The following MAP7 variants were observed in gnomAD, a reference collection of about 807,000 sequenced individuals.
The protein encoded by MAP7 is ensconsin.
MAP7 carries 52 observed loss-of-function variants against 94.8 expected under a neutral mutation model. The ratio of observed to expected loss-of-function variants is 0.55; its 90% CI spans 0.44 to 0.69. The LOEUF is 0.69. Ranked by LOEUF, MAP7 falls within the 30% of genes least tolerant of loss-of-function variation. MAP7 has a pLI of 0.00. For synonymous variants in MAP7, 350 were observed against 357.0 expected, an observed-to-expected ratio of 0.98 and a Z score of 0.22; for missense variants, 940 against 964.6, an observed-to-expected ratio of 0.97 and a Z score of 0.34.
At chr6:136,546,323 T>C (rs1464481389) in intron 1 of MAP7, among the ~76,000 whole-genome samples, 2 of 151,766 alleles carry the variant, frequency 1.3e-5, no homozygotes, top group East Asian at 1.9e-4. Context: ...TTTTTTTTTT[T>C]CAAACCATTA....
chr6:136,396,884 AATC>A (rs1486432524), intron 3 of MAP7, among the ~76,000 whole-genome samples: 2 of 152,210 alleles, frequency 1.3e-5, no homozygotes, highest in Non-Finnish European at 2.9e-5. Context: ...TTGTCGTCAT[AATC>A]ATTATAATTT....
intron 16 of MAP7, among the ~76,000 whole-genome samples, chr6:136,355,264 T>C (rs1238172054): frequency 6.6e-6 from 1 of 151,716 alleles, no homozygotes; most frequent in Non-Finnish European, 1.5e-5. Context: ...ATTCTTTTTT[T>C]TTTAAAAAAG....
intron 7 of MAP7, among the ~76,000 whole-genome samples, chr6:136,373,301 G>A (rs1263030647): frequency 1.3e-5 from 2 of 152,178 alleles, no homozygotes; most frequent in African/African-American, 4.8e-5. Flanking sequence ...ATGCTTCCGG[G>A]TTTTCCCAAA....
At chr6:136,373,442 C>T (rs1474758370) in intron 7 of MAP7, among the ~76,000 whole-genome samples, 1 of 152,126 alleles carries the variant, frequency 6.6e-6, no homozygotes, top group Admixed American at 6.5e-5. Flanking sequence ...CCGTGAAGAA[C>T]CTTTACAGTT....
At chr6:136,522,912 G>A (rs1436037978) in intron 1 of MAP7, among the ~76,000 whole-genome samples, 1 of 152,182 alleles carries the variant, frequency 6.6e-6, no homozygotes, top group Non-Finnish European at 1.5e-5. Flanking sequence ...GCATGTGCCT[G>A]TAATTCCAGC....
chr6:136,382,031 C>T (rs941986859), intron 6 of MAP7, among the ~76,000 whole-genome samples: 1 of 152,018 alleles, frequency 6.6e-6, no homozygotes, highest in Non-Finnish European at 1.5e-5. Flanking sequence ...AGTCACCCTT[C>T]TGCAATAATT....
intron 1 of MAP7, among the ~76,000 whole-genome samples, chr6:136,468,507 A>G (rs1454486253): frequency 2.0e-5 from 3 of 152,210 alleles, no homozygotes; most frequent in Non-Finnish European, 2.9e-5. Flanking sequence ...TAAAAATATC[A>G]TAAGTTGAAA....
intron 1 of MAP7, among the ~76,000 whole-genome samples, chr6:136,431,584 C>G (rs1449973685): frequency 6.6e-6 from 1 of 151,836 alleles, no homozygotes; most frequent in Non-Finnish European, 1.5e-5. Context: ...GTGGTGTGAT[C>G]TTGATTCACT....
At chr6:136,347,804 A>T (rs890070686) in intron 16 of MAP7, among the ~76,000 whole-genome samples, 2 of 152,186 alleles carry the variant, frequency 1.3e-5, no homozygotes, top group Admixed American at 6.5e-5. Context: ...AAAATTATTA[A>T]ACCTTCCTTT....
rs1459535991 is a variant in MAP7, at chr6:136,386,924, C to T, written c.526+1469G>A. ...TTCCTGGCCTCAAGTGATCCTCCTG[C>T]CTCAGCCTCCTAAGTAGGTGGGATT... On this transcript the variant is annotated intron_variant, in intron 5 of 17. Coordinates refer to ENST00000354570, the MANE Select transcript of MAP7 (RefSeq NM_003980.6). Among the ~76,000 whole-genome samples the T allele has an allele frequency of 2.0e-5, 3 of 152,190 alleles. No individual in the cohort carries two copies. In the South Asian group the frequency reaches 6.2e-4, roughly 32 times the overall value.
chr6:136,361,360 C>A (rs1224960962), intron 11 of MAP7, among the ~76,000 whole-genome samples, 181 bp from the exon 12 acceptor site: 1 of 152,250 alleles, frequency 6.6e-6, no homozygotes, highest in Admixed American at 6.5e-5. Flanking sequence ...TTCCTCCCGC[C>A]TTGCCAGCTG....
At chr6:136,411,904 T>C (rs759748725) in intron 2 of MAP7, among the ~76,000 whole-genome samples, 2 of 152,222 alleles carry the variant, frequency 1.3e-5, no homozygotes, top group Non-Finnish European at 2.9e-5. Flanking sequence ...TTTCTTCTAT[T>C]TGAAAACATG....
chr6:136,455,190 T>C (rs1802505747), intron 1 of MAP7, among the ~76,000 whole-genome samples: 3 of 151,684 alleles, frequency 2.0e-5, no homozygotes, highest in South Asian at 2.1e-4. Context: ...TCTAGAAATA[T>C]GAGTAGTAGA....
chr6:136,470,418 C>A (rs1174286146), intron 1 of MAP7, among the ~76,000 whole-genome samples: 1 of 152,000 alleles, frequency 6.6e-6, no homozygotes, highest in Non-Finnish European at 1.5e-5. Flanking sequence ...GAAATGATTA[C>A]CACAATCGAG....
chr6:136,393,949 T>C (rs1028267312), intron 3 of MAP7, among the ~76,000 whole-genome samples: 1 of 151,090 alleles, frequency 6.6e-6, no homozygotes, highest in African/African-American at 2.4e-5. Context: ...CTAGCATTTC[T>C]TATGTTCTGA....
At chr6:136,441,174 G>C (rs1226482072) in intron 1 of MAP7, among the ~76,000 whole-genome samples, 2 of 152,084 alleles carry the variant, frequency 1.3e-5, no homozygotes, top group Non-Finnish European at 2.9e-5. Context: ...GATCTCTTCC[G>C]CATGCTGATT....
In MAP7 at chr6:136,550,082, C is replaced by A. The variant is rs1830021098; in HGVS notation, c.67+260G>T. Among the ~76,000 whole-genome samples, 1 of 151,606 alleles carries A rather than the reference C, an allele frequency of 6.6e-6. No homozygotes were observed. The highest frequency in any genetic ancestry group is 2.1e-4 in the South Asian group (1 of 4,818). On this transcript the variant is annotated intron_variant, in intron 1 of 17. Transcript: ENST00000354570. This position sits in a 1 kb window ranked among gnomAD's most constrained non-coding sequence, Gnocchi z 5.1. ...TCCCCCGGCTCGCCTCCACCTGTTG[C>A]GGGAAAGTCGCGGTGGAGCGCCCGA...
At chr6:136,494,901 T>TA (rs1365890360) in intron 1 of MAP7, among the ~76,000 whole-genome samples, 6 of 152,168 alleles carry the variant, frequency 3.9e-5, no homozygotes, top group Admixed American at 3.9e-4. Context: ...TGTCCATAGA[T>TA]ACCACAGATG....
intron 10 of MAP7, among the ~76,000 whole-genome samples, chr6:136,363,846 T>C (rs1019259276): frequency 2.0e-5 from 3 of 152,222 alleles, no homozygotes; most frequent in African/African-American, 7.2e-5. Context: ...GTGTTCTATC[T>C]GGCAACCATG....
Sources: gnomAD v4.1 joint callset for allele counts (sites outside exome capture counted in the v4.1 genomes callset) on GRCh38, gnomAD v4.1.1 for gene constraint, Gnocchi (gnomAD v3.1) non-coding constraint, MANE v1.5 for transcripts, NCBI Gene and HGNC (gene_info 2026-07-23, HGNC 2026-07-21) for gene names.